The following ADCK1 variants were observed in gnomAD, a reference collection of about 807,000 sequenced individuals.
The protein encoded by ADCK1 is aarF domain-containing protein kinase 1.
A neutral mutation model predicts 52.3 loss-of-function variants in ADCK1; 41 were observed. The ratio of observed to expected loss-of-function variants is 0.78; its 90% CI spans 0.61 to 1.02. The LOEUF (loss-of-function observed/expected upper bound fraction) is 1.02. ADCK1 is among the 50% of genes least tolerant of loss of function. ADCK1 has a pLI of 0.00. For missense variants in ADCK1, 658 were observed against 679.5 expected (o/e 0.97, Z 0.35); for synonymous variants, 250 against 274.6 (o/e 0.91, Z 0.89).
At chr14:77,800,639 GA>G (rs2081089463) in intron 1 of ADCK1, among the ~76,000 whole-genome samples, 3 of 152,224 alleles carry the variant, frequency 2.0e-5, no homozygotes, top group Admixed American at 6.5e-5. Context: ...CCGGTCTTGC[GA>G]ACGTGCCCCA....
intron 4 of ADCK1, among the ~76,000 whole-genome samples, chr14:77,862,107 A>AAAAGCAGTT (rs2082562224): frequency 6.6e-6 from 1 of 152,308 alleles, no homozygotes; most frequent in South Asian, 2.1e-4. Context: ...TGGCAGGAAA[A>AAAAGCAGTT]AAAGCAGTTG....
chr14:77,872,158 C>T (rs1025906477), intron 4 of ADCK1, among the ~76,000 whole-genome samples: 2 of 152,214 alleles, frequency 1.3e-5, no homozygotes, highest in African/African-American at 2.4e-5. Context: ...ATGGTCTCAT[C>T]TAGTCCTCAC....
chr14:77,920,076 C>G (rs2084015181), intron 7 of ADCK1, among the ~76,000 whole-genome samples: 1 of 152,184 alleles, frequency 6.6e-6, no homozygotes, highest in African/African-American at 2.4e-5. Context: ...CTGATTATTT[C>G]TTTTGCTGTG....
rs1273819347 is a variant in ADCK1 at position 77,819,132 on chromosome 14, G to A, written c.135+19G>A. Reference sequence around the variant, plus strand: ...TGCTACGGTAGGTTTTTCCCTTTTGGGGGTAGCAGAGAAGCTGCAGGATTA... The same window carrying A: ...TGCTACGGTAGGTTTTTCCCTTTTGAGGGTAGCAGAGAAGCTGCAGGATTA... On this transcript the variant is annotated intron_variant, in intron 2 of 10. Transcript: ENST00000238561. 1.2e-6 allele frequency: 2 copies of A among 1,613,346 alleles called. No individual in the cohort carries two copies. The highest frequency in any genetic ancestry group is 2.2e-5 in the East Asian group (1 of 44,874).
At chr14:77,861,033 G>C (rs2080818) in intron 4 of ADCK1, among the ~76,000 whole-genome samples, 57,647 of 151,884 alleles carry the variant, frequency 0.38, 11,727 homozygotes, top group Admixed American at 0.51. Context: ...GGCCCACCCA[G>C]CTGGCTAAAG....
rs2084112394 is a variant in ADCK1 at position 77,923,565 on chromosome 14, TG to T, written c.859-888del. 1.3e-5 allele frequency: 2 copies of T among 152,296 alleles called. No individual in the cohort carries two copies. Among genetic ancestry groups the T allele is most frequent in the South Asian group, 4.1e-4 (2 of 4,822 alleles). The allele number at this position is 152,296 out of a possible 1,614,324, so 9.4% of individuals were successfully genotyped here. On this transcript the variant is annotated intron_variant, in intron 7 of 10. Transcript: ENST00000238561. This position sits in a 1 kb window ranked among gnomAD's most constrained non-coding sequence, Gnocchi z 4.3. ...ACCAGGTTAGGTTTGTTAATGACCA[TG>T]GGGTCTAGCCGAGGCCGAGAGGGTT...
intron 1 of ADCK1, among the ~76,000 whole-genome samples, chr14:77,813,472 A>G (rs2081376675): frequency 6.6e-6 from 1 of 151,858 alleles, no homozygotes; most frequent in Admixed American, 6.6e-5. Context: ...CACTACGCCC[A>G]GCTAATTTTT....
chr14:77,892,823 T>C (rs1364221009), intron 5 of ADCK1, among the ~76,000 whole-genome samples: 4 of 151,944 alleles, frequency 2.6e-5, no homozygotes, highest in African/African-American at 7.3e-5. Context: ...AAACTTGGGG[T>C]TGTGTTAGCC....
chr14:77,873,730 T>G (rs2082837002), intron 4 of ADCK1, among the ~76,000 whole-genome samples: 1 of 152,214 alleles, frequency 6.6e-6, no homozygotes, highest in Non-Finnish European at 1.5e-5. Context: ...GGGCACTCAT[T>G]CTTCTCCTTC....
intron 3 of ADCK1, among the ~76,000 whole-genome samples, chr14:77,833,713 G>A (rs1470123760): frequency 6.6e-6 from 1 of 152,144 alleles, no homozygotes; most frequent in Non-Finnish European, 1.5e-5. Flanking sequence ...TAGGGCCCAT[G>A]GCCATCAGTG....
chr14:77,908,183 C>G, intron 7 of ADCK1: 1 of 276,802 alleles, frequency 3.6e-6, no homozygotes. Flanking sequence ...CTGAGCCCCA[C>G]AAAGCTAAGC....
At chr14:77,929,677 T>TC (rs991408070) in intron 9 of ADCK1, among the ~76,000 whole-genome samples, 2 of 152,146 alleles carry the variant, frequency 1.3e-5, no homozygotes, top group Non-Finnish European at 2.9e-5. Flanking sequence ...AAAATTTTTT[T>TC]TTTTTTTGAG....
intron 3 of ADCK1, among the ~76,000 whole-genome samples, chr14:77,846,390 A>G (rs1566661043): frequency 6.6e-6 from 1 of 152,252 alleles, no homozygotes; most frequent in East Asian, 1.9e-4. Context: ...CCTTTGGGTG[A>G]CCCTGAGGGG....
At chr14:77,855,685 A>T (rs985028362) in intron 3 of ADCK1, among the ~76,000 whole-genome samples, 1 of 152,092 alleles carries the variant, frequency 6.6e-6, no homozygotes, top group Non-Finnish European at 1.5e-5. Flanking sequence ...TTACAATTTC[A>T]TTTTTCTGAT....
intron 1 of ADCK1, among the ~76,000 whole-genome samples, chr14:77,804,273 CAT>C (rs1314754288): frequency 6.6e-6 from 1 of 152,136 alleles, no homozygotes; most frequent in Non-Finnish European, 1.5e-5. Flanking sequence ...AATTGACAGA[CAT>C]ATTTCACGCC....
Position 77,815,509 on chromosome 14 carries a change from C to T in ADCK1, c.-11-3459C>T, listed in dbSNP as rs576157926. 1.0e-3 allele frequency among the ~76,000 whole-genome samples: 157 copies of T among 150,764 alleles called. 1 individual carries two copies. The highest frequency in any genetic ancestry group is 8.4e-4 in the Non-Finnish European group (57 of 67,780). On this transcript the variant is annotated intron_variant, in intron 1 of 10. Coordinates refer to ENST00000238561, the MANE Select transcript of ADCK1 (RefSeq NM_020421.4). ...ATAGGCATGAGTCACTGCCCCCAGC[C>T]AGGCACCTGCATTTTTTTTTTTTTT... is the stretch of plus-strand genomic sequence containing the variant.
At chr14:77,862,597 C>T (rs2082575736) in intron 4 of ADCK1, among the ~76,000 whole-genome samples, 1 of 152,198 alleles carries the variant, frequency 6.6e-6, no homozygotes, top group African/African-American at 2.4e-5. Context: ...GTGCCTCAGC[C>T]CTTGACTCCA....
intron 3 of ADCK1, among the ~76,000 whole-genome samples, chr14:77,848,328 T>G (rs1594930647): frequency 6.6e-6 from 1 of 152,240 alleles, no homozygotes. Context: ...ACTGGCTGAG[T>G]AAGCTTGGTA....
intron 1 of ADCK1, among the ~76,000 whole-genome samples, chr14:77,818,218 A>G (rs1358157395): frequency 6.6e-6 from 1 of 152,052 alleles, no homozygotes; most frequent in Non-Finnish European, 1.5e-5. Context: ...CACAGTAGCA[A>G]TGGTTAACCT....
Sources: gnomAD v4.1 joint callset for allele counts (sites outside exome capture counted in the v4.1 genomes callset) on GRCh38, gnomAD v4.1.1 for gene constraint, Gnocchi (gnomAD v3.1) non-coding constraint, MANE v1.5 for transcripts, NCBI Gene and HGNC (gene_info 2026-07-23, HGNC 2026-07-21) for gene names.